Variants in DGKB observed in about 807,000 individuals in gnomAD.
DGKB encodes the protein 90 kDa diacylglycerol kinase.
A neutral mutation model predicts 114.3 loss-of-function variants in DGKB; 67 were observed. The observed-to-expected ratio is 0.59, with a 90% CI of 0.48 to 0.72. The LOEUF (loss-of-function observed/expected upper bound fraction) is 0.72. DGKB is among the 30% of genes least tolerant of loss of function. DGKB has a pLI of 0.00. For synonymous variants in DGKB, 398 were observed against 323.1 expected, an observed-to-expected ratio of 1.23 and a Z score of -2.49; for missense variants, 907 against 975.2, an observed-to-expected ratio of 0.93 and a Z score of 0.93.
chr7:14,558,265 T>C (rs1264151609), intron 20 of DGKB, among the ~76,000 whole-genome samples: 1 of 151,804 alleles, frequency 6.6e-6, no homozygotes, highest in Non-Finnish European at 1.5e-5. Context: ...ATATTATCTT[T>C]GTATCTAAAT....
At chr7:14,884,432 A>G (rs746165700) in intron 1 of DGKB, among the ~76,000 whole-genome samples, 1 of 151,970 alleles carries the variant, frequency 6.6e-6, no homozygotes, top group Non-Finnish European at 1.5e-5. Flanking sequence ...AATGGATAGG[A>G]AGCCATGGAA....
chr7:14,784,935 T>C (rs1839668230), intron 2 of DGKB, among the ~76,000 whole-genome samples: 1 of 152,146 alleles, frequency 6.6e-6, no homozygotes, highest in Non-Finnish European at 1.5e-5. Context: ...ATATGTCTAG[T>C]CTGCCACACT....
chr7:14,535,123 A>G (rs1053629180), intron 20 of DGKB, among the ~76,000 whole-genome samples: 3 of 152,184 alleles, frequency 2.0e-5, no homozygotes, highest in Admixed American at 1.3e-4. Context: ...TAATCCCAAA[A>G]TTTTGGAAGG....
intron 17 of DGKB, among the ~76,000 whole-genome samples, chr7:14,598,522 T>C (rs1198756452): frequency 6.6e-6 from 1 of 152,198 alleles, no homozygotes. Flanking sequence ...GATTTCTGCA[T>C]AGTCAATGAT....
At chr7:14,954,897 A>G (rs1299850834) in intron 1 of DGKB, among the ~76,000 whole-genome samples, 4 of 152,062 alleles carry the variant, frequency 2.6e-5, no homozygotes, top group African/African-American at 9.7e-5. Flanking sequence ...TTTTATGTAT[A>G]TATTTTTTCC....
intron 1 of DGKB, among the ~76,000 whole-genome samples, chr7:14,889,028 G>C (rs1198527917): frequency 2.0e-5 from 3 of 151,544 alleles, no homozygotes; most frequent in African/African-American, 7.3e-5. Context: ...AAAGCAGCTA[G>C]AAGTGCAGGA....
At chr7:14,723,101 C>T (rs947004925) in intron 5 of DGKB, among the ~76,000 whole-genome samples, 8 of 118,438 alleles carry the variant, frequency 6.8e-5, no homozygotes, top group Non-Finnish European at 1.3e-4. Flanking sequence ...GTTCACTACC[C>T]TGAAAAAAGT....
chr7:14,527,025 G>A (rs1403728237), intron 20 of DGKB, among the ~76,000 whole-genome samples: 1 of 152,026 alleles, frequency 6.6e-6, no homozygotes, highest in East Asian at 1.9e-4. Flanking sequence ...AATATCCTCA[G>A]CATTTATATT....
chr7:14,168,194 C>G lies in DGKB; in HGVS notation c.2304+8645G>C, dbSNP rs149606804. On this transcript the variant is annotated intron_variant, in intron 25 of 25. Coordinates refer to ENST00000402815, the MANE Select transcript of DGKB (RefSeq NM_001350709.2). ...ATAAAAAATAACTGAAAGGACTCAA[C>G]AACAGAATGGAGATAAAAGAGAAAA... 8.1e-3 allele frequency among the ~76,000 whole-genome samples: 1,233 copies of G among 152,072 alleles called. 8 individuals are homozygous for G. Among genetic ancestry groups the G allele is most frequent in the Non-Finnish European group, 0.013 (855 of 67,976 alleles).
intron 23 of DGKB, among the ~76,000 whole-genome samples, chr7:14,231,456 C>CA (rs1023447466): frequency 6.6e-6 from 1 of 151,620 alleles, no homozygotes; most frequent in Non-Finnish European, 1.5e-5. Flanking sequence ...TAACATTCTA[C>CA]AAAAAACTAT....
chr7:14,783,642 T>C (rs1204812399), intron 2 of DGKB, among the ~76,000 whole-genome samples: 16 of 152,214 alleles, frequency 1.1e-4, no homozygotes, highest in Non-Finnish European at 2.2e-4. Flanking sequence ...ATTATTGACA[T>C]TGACAAGTGC....
rs555640969 is a variant in DGKB, at chr7:14,957,708, T to A, written c.-188+16988A>T. ...ATGCCTATGTCTATTTATTACTTTT[T>A]CTGTAATTACTTTTCTGTATTACCA... On this transcript the variant is annotated intron_variant, in intron 1 of 4. Coordinates refer to the DGKB transcript ENST00000437998. Among the ~76,000 whole-genome samples the A allele has an allele frequency of 2.5e-4, 38 of 152,248 alleles. 1 individual carries two copies. Among genetic ancestry groups the A allele is most frequent in the Non-Finnish European group, 4.6e-4 (31 of 67,994 alleles).
At chr7:14,717,848 G>T (rs1356088485) in intron 6 of DGKB, among the ~76,000 whole-genome samples, 1 of 152,044 alleles carries the variant, frequency 6.6e-6, no homozygotes, top group African/African-American at 2.4e-5. Flanking sequence ...AAATGATCAG[G>T]TTTAGAGTAA....
chr7:14,184,035 A>G (rs1158477475), intron 23 of DGKB, among the ~76,000 whole-genome samples: 1 of 152,186 alleles, frequency 6.6e-6, no homozygotes, highest in Admixed American at 6.5e-5. Context: ...AGAAGCTGAC[A>G]GTCCATTTGC....
At chr7:14,226,398 A>G (rs1266001936) in intron 23 of DGKB, among the ~76,000 whole-genome samples, 1 of 151,996 alleles carries the variant, frequency 6.6e-6, no homozygotes, top group Non-Finnish European at 1.5e-5. Context: ...TGACTCTAAG[A>G]CTTTTTAAAG....
At chr7:14,813,083 C>G (rs1467045324) in intron 2 of DGKB, among the ~76,000 whole-genome samples, 1 of 152,150 alleles carries the variant, frequency 6.6e-6, no homozygotes, top group Admixed American at 6.5e-5. Flanking sequence ...AGACTTTTCT[C>G]TAACTTTTTC....
At chr7:14,391,003 T>C (rs891989284) in intron 21 of DGKB, among the ~76,000 whole-genome samples, 2 of 152,190 alleles carry the variant, frequency 1.3e-5, no homozygotes, top group African/African-American at 4.8e-5. Context: ...AAGTTTGTTT[T>C]AGAGAGAATA....
chr7:14,951,587 C>A (rs958009511), intron 1 of DGKB, among the ~76,000 whole-genome samples: 2 of 151,860 alleles, frequency 1.3e-5, no homozygotes, highest in African/African-American at 4.8e-5. Context: ...ATAGTGAATA[C>A]ATATCATTAT....
intron 23 of DGKB, among the ~76,000 whole-genome samples, chr7:14,260,120 A>ATG (rs1345899049): frequency 7.9e-6 from 1 of 126,004 alleles, no homozygotes; most frequent in African/African-American, 3.5e-5. Context: ...ACACACACAC[A>ATG]CACACACACA....
Sources: allele counts gnomAD v4.1 joint callset (sites outside exome capture counted in the v4.1 genomes callset), GRCh38; gene constraint gnomAD v4.1.1; transcripts MANE v1.5; gene names NCBI Gene and HGNC (gene_info 2026-07-23, HGNC 2026-07-21).